Variants in GRIN3A observed in about 807,000 individuals in gnomAD.
The protein encoded by GRIN3A is glutamate ionotropic receptor NMDA type subunit 3A.
Under a neutral mutation model 92.4 loss-of-function variants are expected in GRIN3A, and 47 were observed. The ratio of observed to expected loss-of-function variants is 0.51; its 90% CI spans 0.40 to 0.65. The LOEUF (loss-of-function observed/expected upper bound fraction) is 0.65, where lower values mean the gene tolerates loss of function less well. Ranked by LOEUF, GRIN3A falls within the 30% of genes least tolerant of loss-of-function variation. GRIN3A has a pLI of 0.00. For synonymous variants in GRIN3A, 527 were observed against 540.6 expected (o/e 0.97, Z 0.35); for missense variants, 1,324 against 1,393.1 (o/e 0.95, Z 0.79).
intron 1 of GRIN3A, among the ~76,000 whole-genome samples, chr9:101,713,032 C>A (rs576841287): frequency 7.2e-5 from 11 of 152,256 alleles, no homozygotes; most frequent in Admixed American, 3.9e-4. Context: ...GGGATTCAAA[C>A]CCAGGTAATC....
In GRIN3A at chr9:101,572,895, C is replaced by T. The variant is rs1010212161; in HGVS notation, c.*279G>A. ...CTGTGGCACCTGGTGAAAAGGTTAA[C>T]GGCAGCTGGGGTTATCTGGTTATTC... is the stretch of plus-strand genomic sequence containing the variant. On this transcript the variant is annotated 3_prime_UTR_variant, in exon 9 of 9. Coordinates refer to ENST00000361820, the MANE Select transcript of GRIN3A (RefSeq NM_133445.3). The T allele has an allele frequency of 1.4e-5, 6 of 437,262 alleles. No individual in the cohort carries two copies. Among genetic ancestry groups the T allele is most frequent in the East Asian group, 4.4e-5 (1 of 22,736 alleles). The allele number at this position is 437,262 out of a possible 1,614,324, so 27.1% of individuals were successfully genotyped here.
At chr9:101,676,557 T>A (rs570572825) in intron 2 of GRIN3A, among the ~76,000 whole-genome samples, 51 of 122,292 alleles carry the variant, frequency 4.2e-4, no homozygotes, top group South Asian at 3.5e-3. Context: ...GCTCTATCAA[T>A]TTTTTTTTTC....
At chr9:101,575,726 G>A (rs868042042) in intron 8 of GRIN3A, among the ~76,000 whole-genome samples, 2 of 152,128 alleles carry the variant, frequency 1.3e-5, no homozygotes, top group South Asian at 2.1e-4. Flanking sequence ...GCACAGAGGA[G>A]GGATGTCAAG....
intron 8 of GRIN3A, among the ~76,000 whole-genome samples, chr9:101,577,016 A>G (rs1417058428): frequency 6.6e-6 from 1 of 152,226 alleles, no homozygotes; most frequent in African/African-American, 2.4e-5. Flanking sequence ...AACCAGACCC[A>G]AGTGCTTCTG....
intron 1 of GRIN3A, among the ~76,000 whole-genome samples, chr9:101,734,441 A>G (rs2069324): frequency 0.14 from 21,133 of 152,044 alleles, 2,740 homozygotes; most frequent in African/African-American, 0.32. Flanking sequence ...TTAAGCTTTT[A>G]TTATGCAGTT....
chr9:101,626,663 G>A (rs1032116710), intron 4 of GRIN3A, among the ~76,000 whole-genome samples: 5 of 152,292 alleles, frequency 3.3e-5, no homozygotes, highest in South Asian at 2.1e-4. Flanking sequence ...GATGAGGCTG[G>A]AGTTGCTGCA....
chr9:101,673,833 A>G (rs1829359705), intron 2 of GRIN3A, among the ~76,000 whole-genome samples: 1 of 152,108 alleles, frequency 6.6e-6, no homozygotes, highest in South Asian at 2.1e-4. Context: ...CAAGGAGCTC[A>G]AGAAGGTCAA....
At chr9:101,627,083 GCCATTGCTA>G (rs1564129924) in intron 4 of GRIN3A, among the ~76,000 whole-genome samples, 2 of 152,190 alleles carry the variant, frequency 1.3e-5, no homozygotes, top group African/African-American at 4.8e-5. Flanking sequence ...TGAGCTGGAA[GCCATTGCTA>G]CCCTGACATC....
chr9:101,708,178 G>C (rs1588292244), intron 1 of GRIN3A, among the ~76,000 whole-genome samples: 1 of 152,182 alleles, frequency 6.6e-6, no homozygotes. Context: ...CTGAGGCCCT[G>C]TCAGTGAATG....
chr9:101,689,070 C>T (rs1364537489), intron 1 of GRIN3A, among the ~76,000 whole-genome samples: 1 of 152,072 alleles, frequency 6.6e-6, no homozygotes, highest in Non-Finnish European at 1.5e-5. Context: ...ATAAATTGCT[C>T]CTGTGTTTTC....
intron 4 of GRIN3A, among the ~76,000 whole-genome samples, chr9:101,626,149 C>A (rs938693395): frequency 1.3e-5 from 2 of 152,128 alleles, no homozygotes; most frequent in African/African-American, 4.8e-5. Flanking sequence ...GTTCACAGGG[C>A]CCCCAATGGT....
At chr9:101,667,692 T>C (rs2118945105) in intron 3 of GRIN3A, among the ~76,000 whole-genome samples, 1 of 152,182 alleles carries the variant, frequency 6.6e-6, no homozygotes. Flanking sequence ...AAGAGTACAT[T>C]CTGAGTGACT....
intron 1 of GRIN3A, among the ~76,000 whole-genome samples, chr9:101,689,093 CT>C (rs1472480007): frequency 6.6e-6 from 1 of 152,134 alleles, no homozygotes; most frequent in African/African-American, 2.4e-5. Context: ...TTGCCCTCCT[CT>C]TTTAGCTTTC....
chr9:101,604,101 A>G (rs1265838627), intron 6 of GRIN3A, among the ~76,000 whole-genome samples: 1 of 152,172 alleles, frequency 6.6e-6, no homozygotes, highest in African/African-American at 2.4e-5. Context: ...CCAGCATGGG[A>G]CATGGTACGT....
Position 101,683,808 on chromosome 9 carries a change from A to G in GRIN3A, c.1304+2788T>C, listed in dbSNP as rs138498422. On this transcript the variant is annotated intron_variant, in intron 2 of 8. Coordinates refer to ENST00000361820, the MANE Select transcript of GRIN3A (RefSeq NM_133445.3). ...CCACGAGGGCAGAGGTTATATACTA[A>G]CCTAACATCCCACCATAAGGAGAGA... Among the ~76,000 whole-genome samples the G allele has an allele frequency of 4.0e-5, 6 of 151,592 alleles. No homozygotes were observed. In the East Asian group the frequency reaches 1.2e-3, roughly 30 times the overall value.
intron 3 of GRIN3A, among the ~76,000 whole-genome samples, chr9:101,654,339 C>T (rs1054676308): frequency 1.3e-5 from 2 of 151,026 alleles, no homozygotes; most frequent in African/African-American, 4.8e-5. Flanking sequence ...CTATATTATA[C>T]ATGCTTTATA....
chr9:101,736,271 AC>A (rs1830204819), intron 1 of GRIN3A, among the ~76,000 whole-genome samples: 1 of 152,188 alleles, frequency 6.6e-6, no homozygotes, highest in African/African-American at 2.4e-5. Context: ...CATGCCAATT[AC>A]CTATTTGCTT....
chr9:101,716,861 A>G lies in GRIN3A; in HGVS notation c.699+20420T>C, dbSNP rs962030093. ...TTAAGGGGATTTTTACATTAAAAAA[A>G]TCCAGTCTGGCTTCCCTTGAAAAGT... On this transcript the variant is annotated intron_variant, in intron 1 of 8. Coordinates refer to ENST00000361820, the MANE Select transcript of GRIN3A (RefSeq NM_133445.3). 3.3e-5 allele frequency among the ~76,000 whole-genome samples: 5 copies of G among 152,230 alleles called. No individual in the cohort carries two copies. The East Asian group carries it at 7.7e-4, about 23-fold the overall frequency.
At chr9:101,643,034 G>A (rs148553935) in intron 3 of GRIN3A, among the ~76,000 whole-genome samples, 1 of 152,186 alleles carries the variant, frequency 6.6e-6, no homozygotes, top group Non-Finnish European at 1.5e-5. Flanking sequence ...CACAATAAAT[G>A]TAATGCACTT....
Sources: allele counts gnomAD v4.1 joint callset (sites outside exome capture counted in the v4.1 genomes callset), GRCh38; gene constraint gnomAD v4.1.1; transcripts MANE v1.5; gene names NCBI Gene and HGNC (gene_info 2026-07-23, HGNC 2026-07-21).